Variants in SH3D19 observed in about 807,000 individuals in gnomAD.
The protein encoded by SH3D19 is SH3 domain containing 19.
SH3D19 carries 58 observed loss-of-function variants against 112.1 expected under a neutral mutation model. The observed-to-expected ratio is 0.52, with a 90% CI of 0.42 to 0.64. SH3D19 has a LOEUF of 0.64. SH3D19 is among the 30% of genes least tolerant of loss of function. SH3D19 has a pLI of 0.00. For missense variants in SH3D19, 1,090 were observed against 1,263.4 expected, an observed-to-expected ratio of 0.86 and a Z score of 2.08; for synonymous variants, 391 against 448.5, an observed-to-expected ratio of 0.87 and a Z score of 1.62.
rs971122994 is a variant in SH3D19 at position 151,237,443 on chromosome 4, G to C, written c.113-11357C>G. Among the ~76,000 whole-genome samples, 4 of 152,236 alleles carry C rather than the reference G, an allele frequency of 2.6e-5. 1 individual carries two copies. The highest frequency in any genetic ancestry group is 7.2e-5 in the African/African-American group (3 of 41,520). On this transcript the variant is annotated intron_variant, in intron 1 of 19. Transcript: ENST00000604030. The stretch of plus-strand genomic sequence containing the variant: ...TACCATCTCCAGGTGTCTACTACTG[G>C]GGTGTGCCTGCAGTGGAAAATCAAT...
chr4:151,229,556 C>T (rs1247136684), intron 1 of SH3D19, among the ~76,000 whole-genome samples: 1 of 152,132 alleles, frequency 6.6e-6, no homozygotes, highest in African/African-American at 2.4e-5. Context: ...CTCATCCATG[C>T]CTCATGGTTA....
At chr4:151,246,726 G>C (rs1419247141) in intron 1 of SH3D19, among the ~76,000 whole-genome samples, 1 of 152,156 alleles carries the variant, frequency 6.6e-6, no homozygotes, top group African/African-American at 2.4e-5. Context: ...GCCCTATGAA[G>C]TATGTTCTCT....
intron 1 of SH3D19, among the ~76,000 whole-genome samples, chr4:151,287,968 T>C (rs13117723): frequency 0.36 from 54,925 of 151,804 alleles, 10,908 homozygotes; most frequent in Middle Eastern, 0.45. Flanking sequence ...TGGTTTAAAA[T>C]CCAGAAATCA....
At chr4:151,298,484 G>A (rs746237422) in intron 1 of SH3D19, among the ~76,000 whole-genome samples, 2 of 151,978 alleles carry the variant, frequency 1.3e-5, no homozygotes, top group African/African-American at 4.8e-5. Flanking sequence ...CCAAATTCAC[G>A]TTGTTTTAAG....
At chr4:151,261,434 T>C (rs1318764667) in intron 1 of SH3D19, 1 of 152,436 alleles carries the variant, frequency 6.6e-6, no homozygotes, top group Non-Finnish European at 1.5e-5. Flanking sequence ...CCCCAGTTTC[T>C]GTTAGCCCTG....
chr4:151,307,323 C>G (rs1214311301), intron 1 of SH3D19, among the ~76,000 whole-genome samples: 1 of 152,216 alleles, frequency 6.6e-6, no homozygotes, highest in Non-Finnish European at 1.5e-5. Flanking sequence ...CGCCCGGCCC[C>G]TAATGATGAC....
At chr4:151,153,278 C>T (rs1462149166) in intron 9 of SH3D19, among the ~76,000 whole-genome samples, 3 of 151,880 alleles carry the variant, frequency 2.0e-5, no homozygotes, top group African/African-American at 4.8e-5. Context: ...GACAGGGTCT[C>T]GCTTTGTTGT....
Position 151,223,256 on chromosome 4 carries a change from T to G in SH3D19, c.152+2791A>C, listed in dbSNP as rs75971837. 8.2e-3 allele frequency among the ~76,000 whole-genome samples: 1,250 copies of G among 152,156 alleles called. 11 individuals are homozygous for G. Among genetic ancestry groups the G allele is most frequent in the Admixed American group, 0.013 (203 of 15,284 alleles). ...GTTTCCCAACAACTTTTTACAGAAG[T>G]TTTAGCTGCCACTGATGATCTTTGC... is the stretch of plus-strand genomic sequence containing the variant. On this transcript the variant is annotated intron_variant, in intron 2 of 19. Coordinates refer to ENST00000604030, the MANE Select transcript of SH3D19 (RefSeq NM_001378122.1).
In SH3D19 at chr4:151,161,063, C is replaced by G. The variant is rs149527400; in HGVS notation, c.1643-1711G>C. ...ATGAAAGTAGAAAGGAGATAGCTTACTGGAAGGAGAAACACAGGGAGTATC... is the reference window on the plus strand; with the variant it reads ...ATGAAAGTAGAAAGGAGATAGCTTAGTGGAAGGAGAAACACAGGGAGTATC... On this transcript the variant is annotated intron_variant, in intron 8 of 19. Coordinates refer to ENST00000604030, the MANE Select transcript of SH3D19 (RefSeq NM_001378122.1). Among the ~76,000 whole-genome samples, 1,238 of 152,186 alleles carry G rather than the reference C, an allele frequency of 8.1e-3. 13 individuals are homozygous for G. The highest frequency in any genetic ancestry group is 0.027 in the African/African-American group (1,128 of 41,498).
intron 1 of SH3D19, among the ~76,000 whole-genome samples, chr4:151,237,259 C>A (rs80088336): frequency 1.3e-5 from 2 of 152,132 alleles, no homozygotes; most frequent in South Asian, 4.2e-4. Context: ...ACCAAGAACC[C>A]GCCAATTTCG....
chr4:151,200,628 T>C (rs1429051949), intron 2 of SH3D19, among the ~76,000 whole-genome samples: 1 of 152,216 alleles, frequency 6.6e-6, no homozygotes, highest in Non-Finnish European at 1.5e-5. Flanking sequence ...TATCATTTTA[T>C]TGACTGTCTA....
At chr4:151,181,025 G>A (rs1022955895) in intron 3 of SH3D19, among the ~76,000 whole-genome samples, 3 of 149,298 alleles carry the variant, frequency 2.0e-5, no homozygotes, top group South Asian at 2.1e-4. Flanking sequence ...CTCCCACCTC[G>A]GCCTCCCAAA....
chr4:151,296,740 TA>T (rs1302702637), intron 1 of SH3D19, among the ~76,000 whole-genome samples: 1 of 152,204 alleles, frequency 6.6e-6, no homozygotes, highest in African/African-American at 2.4e-5. Flanking sequence ...AAATTTTAAT[TA>T]AGGTGAGATT....
intron 1 of SH3D19, among the ~76,000 whole-genome samples, chr4:151,302,009 G>A (rs777767238): frequency 1.3e-5 from 2 of 152,186 alleles, no homozygotes; most frequent in Non-Finnish European, 1.5e-5. Flanking sequence ...TAAGAAGGCT[G>A]TGGTAAATGA....
chr4:151,212,924 A>C (rs1270040520), intron 2 of SH3D19, among the ~76,000 whole-genome samples: 1 of 152,238 alleles, frequency 6.6e-6, no homozygotes, highest in African/African-American at 2.4e-5. Context: ...CAACATTAAC[A>C]GGAGTTTGGA....
In SH3D19 at chr4:151,121,220, C is replaced by G. The variant is rs1004606794; in HGVS notation, c.*871G>C. 1 of 152,540 alleles carries G rather than the reference C, an allele frequency of 6.6e-6. No homozygotes were observed. The highest frequency in any genetic ancestry group is 2.4e-5 in the African/African-American group (1 of 41,410). The allele number at this position is 152,540 out of a possible 1,614,324, so 9.4% of individuals were successfully genotyped here. On this transcript the variant is annotated 3_prime_UTR_variant, in exon 20 of 20. Coordinates refer to ENST00000604030, the MANE Select transcript of SH3D19 (RefSeq NM_001378122.1). Reference sequence around the variant, plus strand: ...TTCATAATGTACTACTATAACAAGACACAGTTTTTATATATTACTGGAATA... The same window carrying G: ...TTCATAATGTACTACTATAACAAGAGACAGTTTTTATATATTACTGGAATA...
intron 1 of SH3D19, among the ~76,000 whole-genome samples, chr4:151,287,878 C>G (rs1561433928): frequency 6.6e-6 from 1 of 152,100 alleles, no homozygotes; most frequent in Non-Finnish European, 1.5e-5. Context: ...AGACCCCTCT[C>G]TCTTTTTTTA....
At chr4:151,221,672 T>C (rs541597430) in intron 2 of SH3D19, among the ~76,000 whole-genome samples, 5 of 152,346 alleles carry the variant, frequency 3.3e-5, no homozygotes, top group East Asian at 3.9e-4. Flanking sequence ...CAATTATTTA[T>C]TGTTTATTGT....
At chr4:151,140,626 A>C (rs980597228) in intron 12 of SH3D19, 2 of 152,232 alleles carry the variant, frequency 1.3e-5, no homozygotes, top group African/African-American at 2.4e-5. Context: ...GCTTATCCTC[A>C]TCATCATCAA....
Sources: allele counts gnomAD v4.1 joint callset (sites outside exome capture counted in the v4.1 genomes callset), GRCh38; gene constraint gnomAD v4.1.1; transcripts MANE v1.5; gene names NCBI Gene and HGNC (gene_info 2026-07-23, HGNC 2026-07-21).